Variants in NT5C3A observed in about 807,000 individuals in gnomAD.
The protein encoded by NT5C3A is cytosolic 5'-nucleotidase 3A.
NT5C3A carries 23 observed loss-of-function variants against 40.0 expected under a neutral mutation model. That is an observed-to-expected ratio of 0.58 (90% CI 0.41 to 0.81). The LOEUF is 0.81. Among genes scored for constraint, NT5C3A ranks in the 40% least tolerant of loss-of-function variants. The pLI is 0.00. For missense variants in NT5C3A, 328 were observed against 403.0 expected (o/e 0.81, Z 1.59); for synonymous variants, 130 against 141.4 (o/e 0.92, Z 0.57).
chr7:33,036,963 C>T (rs1474459216), intron 1 of NT5C3A, among the ~76,000 whole-genome samples: 3 of 152,228 alleles, frequency 2.0e-5, no homozygotes, highest in East Asian at 3.9e-4. Context: ...AGGCGCATGC[C>T]GCCACGCCTG....
intron 3 of NT5C3A, 133 bp from the exon 4 acceptor site, chr7:33,022,232 G>C: frequency 1.6e-6 from 1 of 635,046 alleles, no homozygotes; most frequent in Non-Finnish European, 2.8e-6. Context: ...TTTAAGTAAT[G>C]CCAAGTCAAC....
At chr7:33,026,498 GC>G (rs201452659) in intron 2 of NT5C3A, among the ~76,000 whole-genome samples, 8,078 of 152,030 alleles carry the variant, frequency 0.053, 259 homozygotes, top group East Asian at 0.16. Context: ...GGGATTACAG[GC>G]ATGCGCCACC....
In NT5C3A at chr7:33,015,681, G is replaced by C; in HGVS notation, c.883C>G (p.Leu295Val). 1 of 1,601,170 alleles carries C rather than the reference G, an allele frequency of 6.2e-7. No homozygotes were observed. Among genetic ancestry groups the C allele is most frequent in the Non-Finnish European group, 8.6e-7 (1 of 1,169,390 alleles). ...ATTTGTATACTTACTCTATCATTTAGATATCCAATTTTCAGAATGTGCTCA... is the reference window on the plus strand; with the variant it reads ...ATTTGTATACTTACTCTATCATTTACATATCCAATTTTCAGAATGTGCTCA... ...NVEHILKIGY[L>V]NDRVDELLEK... The change falls in exon 8 of 9, where the codon CTA becomes GTA. Residue 295 changes from leucine (L) to valine (V), a missense_variant. Coordinates refer to ENST00000610140, the MANE Select transcript of NT5C3A (RefSeq NM_001002010.5).
intron 1 of NT5C3A, among the ~76,000 whole-genome samples, chr7:33,057,170 C>A (rs1235216185): frequency 6.6e-6 from 1 of 151,946 alleles, no homozygotes; most frequent in Non-Finnish European, 1.5e-5. Flanking sequence ...GGCAATGCAC[C>A]CAGAGTTGGC....
At chr7:33,033,140 C>T (rs1426168892) in intron 1 of NT5C3A, among the ~76,000 whole-genome samples, 2 of 152,168 alleles carry the variant, frequency 1.3e-5, no homozygotes, top group African/African-American at 4.8e-5. Flanking sequence ...TAAGAAATTC[C>T]AGTCAGATGT....
chr7:33,026,772 G>A (rs755830597), intron 2 of NT5C3A, 45 bp downstream of exon 2: 3 of 1,311,084 alleles, frequency 2.3e-6, no homozygotes, highest in South Asian at 2.3e-5. Flanking sequence ...GGAATTACAG[G>A]CATGAGCCAA....
At chr7:33,058,539 C>T (rs898104718) in intron 1 of NT5C3A, among the ~76,000 whole-genome samples, 6 of 152,092 alleles carry the variant, frequency 3.9e-5, no homozygotes, top group African/African-American at 1.4e-4. Flanking sequence ...TTAGTAGGGA[C>T]GGGGTTCCAC....
intron 1 of NT5C3A, among the ~76,000 whole-genome samples, chr7:33,028,064 G>C (rs961290265): frequency 6.6e-6 from 1 of 152,144 alleles, no homozygotes; most frequent in Non-Finnish European, 1.5e-5. Context: ...CAAGATCTTT[G>C]CTCTTTTTAT....
At chr7:33,017,750 A>G (rs1444176855) in intron 6 of NT5C3A, 149 bp from the exon 7 acceptor site, 32 of 702,804 alleles carry the variant, frequency 4.6e-5, no homozygotes, top group Non-Finnish European at 7.6e-6. Flanking sequence ...TGTTATTGAT[A>G]TCTACAATAC....
In NT5C3A at chr7:33,015,979, T is replaced by C. The variant is rs560658440; in HGVS notation, c.694-109A>G. ...ACTATTATTTCATCATATTTGTAAA[T>C]ACATCTTTGATACTAGAGATCTCAA... On this transcript the variant is annotated intron_variant, in intron 7 of 8. Transcript: ENST00000610140. 27 of 767,926 alleles carry C rather than the reference T, an allele frequency of 3.5e-5. 1 individual carries two copies. In the Middle Eastern group the frequency reaches 1.5e-3, roughly 44 times the overall value. The allele number at this position is 767,926 out of a possible 1,614,324, so 47.6% of individuals were successfully genotyped here.
chr7:33,042,251 A>C (rs1052532454), intron 1 of NT5C3A, among the ~76,000 whole-genome samples: 1 of 152,014 alleles, frequency 6.6e-6, no homozygotes, highest in Non-Finnish European at 1.5e-5. Context: ...AATCACTTGA[A>C]CCCAGGAGGC....
chr7:33,015,268 T>C (rs575975230), intron 8 of NT5C3A, among the ~76,000 whole-genome samples: 3 of 152,150 alleles, frequency 2.0e-5, no homozygotes, highest in East Asian at 1.9e-4. Context: ...TCAAAATGCA[T>C]GATCACAATA....
chr7:33,022,934 TC>T (rs1785707596), intron 3 of NT5C3A, among the ~76,000 whole-genome samples: 2 of 151,684 alleles, frequency 1.3e-5, no homozygotes, highest in Non-Finnish European at 2.9e-5. Context: ...TTTTTTTTTT[TC>T]GAGACAGGGT....
At chr7:33,035,863 G>T in intron 1 of NT5C3A, 2 of 1,217,336 alleles carry the variant, frequency 1.6e-6, no homozygotes, top group Non-Finnish European at 2.4e-6. Context: ...TAATTATCTG[G>T]TTAGAGACAG....
intron 1 of NT5C3A, among the ~76,000 whole-genome samples, chr7:33,050,195 C>CT (rs1189423095): frequency 6.6e-6 from 1 of 152,120 alleles, no homozygotes; most frequent in African/African-American, 2.4e-5. Context: ...GTAGAGTATA[C>CT]TTGGTCAACG....
At chr7:33,056,534 T>C (rs1787580251) in intron 1 of NT5C3A, among the ~76,000 whole-genome samples, 1 of 133,168 alleles carries the variant, frequency 7.5e-6, no homozygotes, top group African/African-American at 2.8e-5. Flanking sequence ...TAGCCAGGTG[T>C]GGCGCCACAT....
intron 1 of NT5C3A, 100 bp downstream of exon 1, chr7:33,062,468 C>A: frequency 9.1e-7 from 1 of 1,094,188 alleles, no homozygotes; most frequent in Middle Eastern, 2.9e-4. Context: ...CGGCAGCTCC[C>A]CGTCGCGACC....
chr7:33,056,455 G>C (rs1162454397), intron 1 of NT5C3A, among the ~76,000 whole-genome samples: 1 of 104,130 alleles, frequency 9.6e-6, no homozygotes, highest in East Asian at 3.2e-4. Flanking sequence ...TGGGCAAATA[G>C]TGAGACCCCG....
chr7:33,034,479 G>C (rs1442687346), intron 1 of NT5C3A, among the ~76,000 whole-genome samples: 1 of 152,146 alleles, frequency 6.6e-6, no homozygotes, highest in Non-Finnish European at 1.5e-5. Flanking sequence ...ATAAGTTTTA[G>C]ACTGGTTTAA....
Sources: allele counts gnomAD v4.1 joint callset (sites outside exome capture counted in the v4.1 genomes callset), GRCh38; gene constraint gnomAD v4.1.1; transcripts MANE v1.5; gene names NCBI Gene and HGNC (gene_info 2026-07-23, HGNC 2026-07-21).